ANK2: variants seen among roughly 807,000 people sequenced by gnomAD.
The protein encoded by ANK2 is ankyrin-2.
Under a neutral mutation model 360.5 loss-of-function variants are expected in ANK2, and 83 were observed. That is an observed-to-expected ratio of 0.23 (90% CI 0.19 to 0.28). ANK2 has a LOEUF of 0.28. ANK2 is among the 10% of genes least tolerant of loss of function. The pLI is 1.00. For missense variants in ANK2, 4,201 were observed against 4,795.7 expected, an observed-to-expected ratio of 0.88 and a Z score of 3.66; for synonymous variants, 1,740 against 1,759.5, an observed-to-expected ratio of 0.99 and a Z score of 0.28.
chr4:113,350,621 A>G (rs146492825), intron 37 of ANK2: 36 of 228,898 alleles, frequency 1.6e-4, no homozygotes, highest in African/African-American at 7.6e-4. Flanking sequence ...ATCACTTTTT[A>G]TGTAATGCAA....
chr4:113,003,578 C>A (rs1032456193), intron 2 of ANK2, among the ~76,000 whole-genome samples: 2 of 152,106 alleles, frequency 1.3e-5, no homozygotes, highest in Non-Finnish European at 2.9e-5. Context: ...AAGAAATAAA[C>A]TGGATACATA....
At chr4:112,775,221 A>G in the ANK2 span, among the ~76,000 whole-genome samples, 1 of 152,122 alleles carries the variant, frequency 6.6e-6, no homozygotes. Context: ...ATTAAAATGG[A>G]TAATTCCTAA....
chr4:112,985,583 T>A (rs1184261109), intron 2 of ANK2, among the ~76,000 whole-genome samples: 3 of 152,212 alleles, frequency 2.0e-5, no homozygotes, highest in African/African-American at 7.2e-5. Flanking sequence ...AGGGCATTAG[T>A]TATACCATAG....
intron 2 of ANK2, among the ~76,000 whole-genome samples, chr4:112,917,292 G>C (rs1381058316): frequency 1.3e-5 from 2 of 152,154 alleles, no homozygotes; most frequent in African/African-American, 4.8e-5. Flanking sequence ...ATTACATCCT[G>C]GTCAATTCTA....
chr4:112,986,958 T>A (rs1231939464), intron 2 of ANK2, among the ~76,000 whole-genome samples: 1 of 152,214 alleles, frequency 6.6e-6, no homozygotes, highest in Non-Finnish European at 1.5e-5. Flanking sequence ...GTCTAATCTT[T>A]TGGCTTCCCT....
chr4:112,804,805 A>C, the ANK2 span, among the ~76,000 whole-genome samples: 5 of 152,000 alleles, frequency 3.3e-5, no homozygotes, highest in Non-Finnish European at 5.9e-5. Context: ...AACAACAAAC[A>C]AAAAACTAGC....
At chr4:112,880,134 A>G (rs184012360) in intron 1 of ANK2, among the ~76,000 whole-genome samples, 1 of 152,292 alleles carries the variant, frequency 6.6e-6, no homozygotes, top group African/African-American at 2.4e-5. Context: ...AGTAAACAGT[A>G]TATATTTAAC....
At chr4:112,788,799 A>T in the ANK2 span, 1 of 1,240,452 alleles carries the variant, frequency 8.1e-7, no homozygotes. Context: ...GGGATTCACC[A>T]CTTTCTTAGC....
chr4:112,846,113 TTTTC>T lies in ANK2; in HGVS notation c.-40+27861_-40+27864del, dbSNP rs201737527. Reference sequence around the variant, plus strand: ...TGCTTCTTTCCTTCCTATTAAATTTTTTTCTTTCTTTCTTTTTTTTGAGATAGGG... The same window carrying T: ...TGCTTCTTTCCTTCCTATTAAATTTTTTTCTTTCTTTTTTTTGAGATAGGG... On this transcript the variant is annotated intron_variant, in intron 1 of 30. Coordinates refer to the ANK2 transcript ENST00000503271. 8.3e-3 allele frequency among the ~76,000 whole-genome samples: 1,266 copies of T among 152,194 alleles called. 16 individuals are homozygous for T. The highest frequency in any genetic ancestry group is 0.029 in the African/African-American group (1,186 of 41,498).
chr4:112,822,260 A>C (rs2057312811), intron 1 of ANK2, among the ~76,000 whole-genome samples: 1 of 140,900 alleles, frequency 7.1e-6, no homozygotes, highest in South Asian at 2.3e-4. Flanking sequence ...AAAAAAAAAA[A>C]AACAAAAATT....
At chr4:113,199,368 T>C (rs1456813592) in intron 4 of ANK2, among the ~76,000 whole-genome samples, 1 of 152,146 alleles carries the variant, frequency 6.6e-6, no homozygotes, top group Admixed American at 6.5e-5. Context: ...GAATATAAAG[T>C]GATTTTTTTC....
Position 113,354,707 on chromosome 4 carries a change from A to T in ANK2, c.6089A>T (p.Glu2030Val). The change falls in exon 38 of 46, where the codon GAA becomes GTA. Residue 2030 changes from glutamate (E) to valine (V), a missense_variant. Transcript: ENST00000357077. The part of the protein sequence containing the change: ...QPQEKGKVRV[E>V]KEKGPILTQR... ...CAAGAGAAAGGTAAAGTTCGGGTAGAAAAAGAAAAGGGGCCGATACTAACC... is the reference window on the plus strand; with the variant it reads ...CAAGAGAAAGGTAAAGTTCGGGTAGTAAAAGAAAAGGGGCCGATACTAACC... 6.2e-7 allele frequency: 1 copy of T among 1,614,008 alleles called. No individual in the cohort carries two copies. The highest frequency in any genetic ancestry group is 8.5e-7 in the Non-Finnish European group (1 of 1,179,994).
chr4:112,854,104 G>C (rs945693461), intron 1 of ANK2, among the ~76,000 whole-genome samples: 6 of 152,186 alleles, frequency 3.9e-5, no homozygotes, highest in Non-Finnish European at 5.9e-5. Flanking sequence ...AGGAGGAATG[G>C]GGACCCAAGG....
At chr4:113,150,830 G>T (rs2097045588) in intron 1 of ANK2, among the ~76,000 whole-genome samples, 3 of 152,154 alleles carry the variant, frequency 2.0e-5, no homozygotes, top group Admixed American at 2.0e-4. Flanking sequence ...AGGCACATAG[G>T]CTAAGATTAT....
chr4:112,714,477 C>A, the ANK2 span, among the ~76,000 whole-genome samples: 9 of 152,172 alleles, frequency 5.9e-5, no homozygotes, highest in Non-Finnish European at 1.3e-4. Context: ...GCCACCGCAC[C>A]CAGCCTTAAA....
At chr4:113,153,756 C>G (rs890011402) in intron 1 of ANK2, among the ~76,000 whole-genome samples, 2 of 152,218 alleles carry the variant, frequency 1.3e-5, no homozygotes, top group African/African-American at 2.4e-5. Flanking sequence ...TGAACTACCA[C>G]ATCAGAAGAA....
intron 2 of ANK2, among the ~76,000 whole-genome samples, chr4:112,985,605 G>A (rs1246840015): frequency 6.6e-6 from 1 of 152,270 alleles, no homozygotes; most frequent in East Asian, 1.9e-4. Context: ...GACCTGGTTG[G>A]TTTCAGTGTT....
chr4:113,184,240 A>G (rs193110915), intron 2 of ANK2, among the ~76,000 whole-genome samples: 5 of 152,006 alleles, frequency 3.3e-5, no homozygotes, highest in Admixed American at 3.3e-4. Flanking sequence ...GGGAAGTGAT[A>G]GGAGACAGAA....
intron 1 of ANK2, among the ~76,000 whole-genome samples, chr4:113,159,663 CAGTGGCACGAT>C (rs1269354595): frequency 6.6e-6 from 1 of 151,752 alleles, no homozygotes; most frequent in African/African-American, 2.4e-5. Context: ...GGCTGGAGTG[CAGTGGCACGAT>C]CTCGGCTCAC....
Sources: gnomAD v4.1 joint callset for allele counts (sites outside exome capture counted in the v4.1 genomes callset) on GRCh38, gnomAD v4.1.1 for gene constraint, MANE v1.5 for transcripts, NCBI Gene and HGNC (gene_info 2026-07-23, HGNC 2026-07-21) for gene names.